The following CATSPERB variants were observed in gnomAD, a reference collection of about 807,000 sequenced individuals.
CATSPERB encodes catsper channel auxiliary subunit beta, also known as cation channel sperm-associated auxiliary subunit beta.
CATSPERB carries 93 observed loss-of-function variants against 128.3 expected under a neutral mutation model. The observed-to-expected ratio is 0.72, with a 90% CI of 0.61 to 0.86. CATSPERB has a LOEUF of 0.86. Ranked by LOEUF, CATSPERB falls within the 40% of genes least tolerant of loss-of-function variation. The pLI, the probability that CATSPERB is intolerant of heterozygous loss-of-function variation, is 0.00. For missense variants in CATSPERB, 1,153 were observed against 1,329.5 expected (o/e 0.87, Z 2.06); for synonymous variants, 381 against 448.8 (o/e 0.85, Z 1.91).
chr14:91,608,202 C>A, intron 22 of CATSPERB, 92 bp downstream of exon 22: 1 of 767,694 alleles, frequency 1.3e-6, no homozygotes, highest in Non-Finnish European at 2.2e-6. Context: ...GCTTCACCTT[C>A]TCATTTAACA....
chr14:91,707,000 AT>A (rs2139856603), intron 6 of CATSPERB, among the ~76,000 whole-genome samples: 1 of 152,318 alleles, frequency 6.6e-6, no homozygotes, highest in Non-Finnish European at 1.5e-5. Context: ...CTCAAGAGTT[AT>A]TCTCTACATA....
intron 26 of CATSPERB, among the ~76,000 whole-genome samples, chr14:91,586,973 T>C (rs1233363663): frequency 6.6e-6 from 1 of 152,206 alleles, no homozygotes; most frequent in Admixed American, 6.5e-5. Flanking sequence ...CACGTATTAT[T>C]ACATGTATTA....
intron 16 of CATSPERB, 58 bp downstream of exon 16, chr14:91,639,038 T>C (rs1894435258): frequency 5.7e-6 from 8 of 1,412,636 alleles, no homozygotes; most frequent in South Asian, 3.7e-5. Context: ...TTCTATGTAT[T>C]GAATGTGGCA....
intron 4 of CATSPERB, among the ~76,000 whole-genome samples, chr14:91,721,980 G>T (rs1043471791): frequency 2.0e-5 from 3 of 152,054 alleles, no homozygotes; most frequent in African/African-American, 7.2e-5. Flanking sequence ...GAACTTCTGG[G>T]CACTTTAGCC....
At chr14:91,683,124 G>A (rs748627553) in intron 11 of CATSPERB, among the ~76,000 whole-genome samples, 2 of 152,200 alleles carry the variant, frequency 1.3e-5, no homozygotes, top group Non-Finnish European at 2.9e-5. Flanking sequence ...TTCGGCTGCT[G>A]TGGATTTTAT....
intron 15 of CATSPERB, among the ~76,000 whole-genome samples, chr14:91,651,654 G>A (rs1894706753): frequency 6.6e-6 from 1 of 152,130 alleles, no homozygotes. Flanking sequence ...ACCATAGCAA[G>A]CAAGGGCTTC....
At chr14:91,597,575 C>A (rs1893529764) in intron 22 of CATSPERB, among the ~76,000 whole-genome samples, 1 of 152,088 alleles carries the variant, frequency 6.6e-6, no homozygotes, top group Non-Finnish European at 1.5e-5. Context: ...CATCAGTGTG[C>A]CTTTGACATT....
intron 1 of CATSPERB, among the ~76,000 whole-genome samples, chr14:91,731,089 C>T (rs1366943149): frequency 6.6e-6 from 1 of 152,204 alleles, no homozygotes; most frequent in Non-Finnish European, 1.5e-5. Flanking sequence ...TCTTATATCA[C>T]TTTGCTAAAC....
chr14:91,675,598 A>C (rs1895179671), intron 11 of CATSPERB, among the ~76,000 whole-genome samples: 1 of 152,154 alleles, frequency 6.6e-6, no homozygotes, highest in Admixed American at 6.5e-5. Flanking sequence ...TCTGAAGTTG[A>C]GACAAGGTTT....
intron 5 of CATSPERB, among the ~76,000 whole-genome samples, chr14:91,711,493 A>C (rs2139770182): frequency 6.6e-6 from 1 of 152,264 alleles, no homozygotes; most frequent in East Asian, 1.9e-4. Flanking sequence ...GACCTCCCAA[A>C]GTATTGGGAT....
At chr14:91,635,586 G>A (rs78027145) in intron 17 of CATSPERB, 1,911 of 152,202 alleles carry the variant, frequency 0.013, 37 homozygotes, top group African/African-American at 0.041. Flanking sequence ...TCCAACTCCT[G>A]GTCTCAACTG....
intron 11 of CATSPERB, among the ~76,000 whole-genome samples, chr14:91,678,470 T>C (rs937670464): frequency 2.0e-5 from 3 of 152,226 alleles, no homozygotes; most frequent in Non-Finnish European, 2.9e-5. Context: ...TGTGTGCATA[T>C]ACATGTTTAG....
intron 1 of CATSPERB, among the ~76,000 whole-genome samples, chr14:91,730,140 A>C (rs1473424772): frequency 6.6e-6 from 1 of 152,226 alleles, no homozygotes; most frequent in Non-Finnish European, 1.5e-5. Context: ...CTTACCTCAG[A>C]AGGCAATCAT....
chr14:91,611,644 A>C (rs560302871), intron 20 of CATSPERB, among the ~76,000 whole-genome samples: 14 of 152,186 alleles, frequency 9.2e-5, no homozygotes, highest in South Asian at 4.1e-4. Context: ...AAAACCAAAA[A>C]CAAAACCAAA....
chr14:91,612,433 G>A (rs1893854101), intron 20 of CATSPERB, among the ~76,000 whole-genome samples: 1 of 152,140 alleles, frequency 6.6e-6, no homozygotes, highest in African/African-American at 2.4e-5. Flanking sequence ...ACAGAGGTAT[G>A]AGCCACCATA....
intron 5 of CATSPERB, chr14:91,710,459 A>T (rs1895819265): frequency 6.6e-6 from 1 of 152,136 alleles, no homozygotes; most frequent in African/African-American, 2.4e-5. Flanking sequence ...ATGAATGGGT[A>T]TTGGTGCTGT....
rs111272166 is a variant in CATSPERB, at chr14:91,704,265, T to C, written c.616+287A>G. Among the ~76,000 whole-genome samples the C allele has an allele frequency of 4.5e-3, 679 of 152,258 alleles. 9 individuals carry two copies. Among genetic ancestry groups the C allele is most frequent in the African/African-American group, 0.015 (636 of 41,554 alleles). ...ATTTATACATGGTAGGAATAGCAGA[T>C]AATCTCTGGGAGAAAGTAACATATT... On this transcript the variant is annotated intron_variant, in intron 7 of 26. Coordinates refer to ENST00000256343, the MANE Select transcript of CATSPERB (RefSeq NM_024764.4).
chr14:91,701,615 T>C (rs997505281), intron 7 of CATSPERB, among the ~76,000 whole-genome samples: 2 of 152,110 alleles, frequency 1.3e-5, no homozygotes, highest in African/African-American at 4.8e-5. Flanking sequence ...GGAGGCCTGA[T>C]GGTTTATGTC....
intron 26 of CATSPERB, among the ~76,000 whole-genome samples, chr14:91,586,131 C>A (rs1893293207): frequency 6.6e-6 from 1 of 152,120 alleles, no homozygotes; most frequent in Non-Finnish European, 1.5e-5. Flanking sequence ...CAGGTGTGCC[C>A]TGGTCATATG....
Sources: allele counts gnomAD v4.1 joint callset (sites outside exome capture counted in the v4.1 genomes callset), GRCh38; gene constraint gnomAD v4.1.1; transcripts MANE v1.5; gene names NCBI Gene and HGNC (gene_info 2026-07-23, HGNC 2026-07-21).